Variants in PXDN observed in about 807,000 individuals in gnomAD.
The protein encoded by PXDN is peroxidasin.
In PXDN, 77 loss-of-function variants were observed where a neutral mutation model predicts 140.3. The ratio of observed to expected loss-of-function variants is 0.55; its 90% confidence interval spans 0.46 to 0.66. PXDN has a LOEUF of 0.66. Among genes scored for constraint, PXDN ranks in the 30% least tolerant of loss-of-function variants. The pLI, the probability that PXDN is intolerant of heterozygous loss-of-function variation, is 0.00. For missense variants in PXDN, 1,838 were observed against 2,039.5 expected (o/e 0.90, Z 1.90); for synonymous variants, 911 against 857.4 (o/e 1.06, Z -1.09).
chr2:1,644,482 C>T, intron 18 of PXDN, 136 bp downstream of exon 18: 1 of 1,062,034 alleles, frequency 9.4e-7, no homozygotes, highest in Non-Finnish European at 1.2e-6. Context: ...GTGCCTTCCT[C>T]ATTCTCAACC....
At chr2:1,705,113 G>A (rs1029266153) in intron 1 of PXDN, among the ~76,000 whole-genome samples, 3 of 104,344 alleles carry the variant, frequency 2.9e-5, no homozygotes, top group Non-Finnish European at 5.9e-5. Context: ...CGTGAGAGCC[G>A]TGAGAGCAGA....
chr2:1,649,347 G>C lies in PXDN; in HGVS notation c.2433C>G (p.Asp811Glu). ...GCATCAGCATGTGGGTGAACTGCTC[G>C]TCGGGTGTGACGGTCTCCGTCCCGA... ...TLIGTETVTP[D>E]EQFTHMLMQW... The change falls in exon 17 of 23, where the codon GAC becomes GAG. Residue 811 changes from aspartate to glutamate, a missense_variant. Transcript: ENST00000252804. This position sits in a 1 kb window ranked among gnomAD's most constrained non-coding sequence, Gnocchi z 7.1. 5 of 1,613,896 alleles carry C rather than the reference G, an allele frequency of 3.1e-6. No individual in the cohort carries two copies. The highest frequency in any genetic ancestry group is 3.4e-6 in the Non-Finnish European group (4 of 1,179,872).
chr2:1,654,048 A>G lies in PXDN; in HGVS notation c.1947-263T>C, dbSNP rs1683074000. 1.8e-5 allele frequency: 9 copies of G among 506,170 alleles called. No individual in the cohort carries two copies. In the South Asian group the frequency reaches 2.8e-4, roughly 16 times the overall value. 31.4% of individuals were successfully genotyped at this position (506,170 alleles called of 1,614,324 possible). On this transcript the variant is annotated intron_variant, in intron 15 of 22. Coordinates refer to ENST00000252804, the MANE Select transcript of PXDN (RefSeq NM_012293.3). ...ATATTGCATTTCACATAAGATGCAG[A>G]AAAACTGCTTTGGAATCAGCAACGT...
At chr2:1,710,014 C>A (rs975149696) in intron 1 of PXDN, among the ~76,000 whole-genome samples, 4 of 152,194 alleles carry the variant, frequency 2.6e-5, no homozygotes, top group African/African-American at 4.8e-5. Context: ...CACACTGTCT[C>A]CAAGCCCTTC....
Position 1,649,092 on chromosome 2 carries a change from G to A in PXDN, c.2688C>T (p.Ser896=), listed in dbSNP as rs747948602. ...GSGMTSLLMN[S]VYPREQINQL... Reference sequence around the variant, plus strand: ...GGTTGATCTGCTCCCGCGGGTACACGGAGTTCATGAGCAGCGAAGTCATGC... The same window carrying A: ...GGTTGATCTGCTCCCGCGGGTACACAGAGTTCATGAGCAGCGAAGTCATGC... Residue 896 remains serine (S), a synonymous_variant, in exon 17 of 23, where the codon TCC becomes TCT. Coordinates refer to ENST00000252804, the MANE Select transcript of PXDN (RefSeq NM_012293.3). The surrounding 1 kb of genome is among the most constrained non-coding windows in gnomAD (Gnocchi z 7.1). 7.4e-6 allele frequency: 12 copies of A among 1,612,630 alleles called. No individual in the cohort carries two copies. Among genetic ancestry groups the A allele is most frequent in the Middle Eastern group, 1.6e-4 (1 of 6,084 alleles).
At chr2:1,724,392 G>A (rs1459024836) in intron 1 of PXDN, among the ~76,000 whole-genome samples, 1 of 132,308 alleles carries the variant, frequency 7.6e-6, no homozygotes, top group African/African-American at 2.8e-5. Context: ...AGGTTCTTTT[G>A]ACAAAACATG....
At chr2:1,689,266 TTGTTACTATACTTCTAC>T (rs1419451818) in intron 3 of PXDN, among the ~76,000 whole-genome samples, 1 of 152,118 alleles carries the variant, frequency 6.6e-6, no homozygotes, top group African/African-American at 2.4e-5. Context: ...CACATGGGAG[TTGTTACTATACTTCTAC>T]AGAAGGCAAG....
At chr2:1,692,180 TGAA>T (rs1463028956) in intron 2 of PXDN, among the ~76,000 whole-genome samples, 181 bp from the exon 3 acceptor site, 3 of 152,246 alleles carry the variant, frequency 2.0e-5, no homozygotes, top group Non-Finnish European at 4.4e-5. Flanking sequence ...TTAACCATCA[TGAA>T]GAAAACGTTG....
intron 3 of PXDN, among the ~76,000 whole-genome samples, chr2:1,690,821 C>T (rs1684169393): frequency 6.6e-6 from 1 of 152,092 alleles, no homozygotes; most frequent in Non-Finnish European, 1.5e-5. Flanking sequence ...ACAAATATCG[C>T]ACAGAGGGAA....
intron 1 of PXDN, among the ~76,000 whole-genome samples, chr2:1,704,376 AACTCCAGGTGAAGGG>A (rs1684532181): frequency 1.5e-5 from 1 of 65,532 alleles, no homozygotes. Flanking sequence ...AAGGGGGGGC[AACTCCAGGTGAAGGG>A]GGGGGCAACT....
intron 1 of PXDN, among the ~76,000 whole-genome samples, chr2:1,709,343 C>A (rs917179685): frequency 6.6e-6 from 1 of 152,086 alleles, no homozygotes; most frequent in East Asian, 1.9e-4. Context: ...CCCCAGAGTG[C>A]GGGTGCTTGA....
rs1232147374 is a variant in PXDN at position 1,714,351 on chromosome 2, C to G, written c.201-21217G>C. ...CGATGGTCCGGCACCCTGGCCCACTCGCTCCCATGCCTTTGAGAGGAGATC... is the reference window on the plus strand; with the variant it reads ...CGATGGTCCGGCACCCTGGCCCACTGGCTCCCATGCCTTTGAGAGGAGATC... On this transcript the variant is annotated intron_variant, in intron 1 of 22. Coordinates refer to ENST00000252804, the MANE Select transcript of PXDN (RefSeq NM_012293.3). The surrounding 1 kb of genome is among the most constrained non-coding windows in gnomAD (Gnocchi z 4.3). Among the ~76,000 whole-genome samples, 1 of 152,186 alleles carries G rather than the reference C, an allele frequency of 6.6e-6. No homozygotes were observed. Among genetic ancestry groups the G allele is most frequent in the South Asian group, 2.1e-4 (1 of 4,832 alleles).
rs550611837 is a variant in PXDN at position 1,660,711 on chromosome 2, C to T, written c.1837+170G>A. On this transcript the variant is annotated intron_variant, in intron 14 of 22. Coordinates refer to ENST00000252804, the MANE Select transcript of PXDN (RefSeq NM_012293.3). This position sits in a 1 kb window ranked among gnomAD's most constrained non-coding sequence, Gnocchi z 4.6. ...TGCCTGTGTGGAGGGGAGGGGCTGTCGAGCAGCCCGGCCATGCATCAGGAG... is the reference window on the plus strand; with the variant it reads ...TGCCTGTGTGGAGGGGAGGGGCTGTTGAGCAGCCCGGCCATGCATCAGGAG... Among the ~76,000 whole-genome samples, 2 of 152,224 alleles carry T rather than the reference C, an allele frequency of 1.3e-5. No homozygotes were observed. The highest frequency in any genetic ancestry group is 1.5e-5 in the Non-Finnish European group (1 of 68,014).
chr2:1,703,461 A>G (rs1337734490), intron 1 of PXDN, among the ~76,000 whole-genome samples: 4 of 16,498 alleles, frequency 2.4e-4, no homozygotes, highest in East Asian at 1.1e-3. Flanking sequence ...CCGGTGAAGG[A>G]GAGACAACTC....
chr2:1,678,354 G>A (rs576299223), intron 7 of PXDN, among the ~76,000 whole-genome samples: 3 of 152,262 alleles, frequency 2.0e-5, no homozygotes, highest in Admixed American at 6.5e-5. Context: ...AGCTTTCGCT[G>A]CTTTCTTCAT....
intron 12 of PXDN, among the ~76,000 whole-genome samples, 196 bp from the exon 13 acceptor site, chr2:1,662,380 T>C (rs1190129127): frequency 6.6e-6 from 1 of 152,088 alleles, no homozygotes; most frequent in Non-Finnish European, 1.5e-5. Flanking sequence ...CCAGGGAAGA[T>C]CCGCCCGCCT....
chr2:1,734,283 A>G (rs939579860), intron 1 of PXDN, among the ~76,000 whole-genome samples: 1 of 152,230 alleles, frequency 6.6e-6, no homozygotes, highest in African/African-American at 2.4e-5. Flanking sequence ...CATTACATCT[A>G]AAAAATATAC....
In PXDN at chr2:1,687,195, T is replaced by C. The variant is rs1684080281; in HGVS notation, c.416+437A>G. Among the ~76,000 whole-genome samples, 4 of 152,236 alleles carry C rather than the reference T, an allele frequency of 2.6e-5. No individual in the cohort carries two copies. The highest frequency in any genetic ancestry group is 9.6e-5 in the African/African-American group (4 of 41,462). ...CCACAATTGAAGAAATTCAGCTTCA[T>C]GTGTTCACAGTCATAAGGAGGAACA... On this transcript the variant is annotated intron_variant, in intron 4 of 22. Coordinates refer to ENST00000252804, the MANE Select transcript of PXDN (RefSeq NM_012293.3). This position sits in a 1 kb window ranked among gnomAD's most constrained non-coding sequence, Gnocchi z 4.0.
chr2:1,695,150 A>C (rs1684272367), intron 1 of PXDN, among the ~76,000 whole-genome samples: 1 of 152,244 alleles, frequency 6.6e-6, no homozygotes, highest in Non-Finnish European at 1.5e-5. Context: ...GAAGCTGGAA[A>C]GCAAGATGTG....
Sources: gnomAD v4.1 joint callset for allele counts (sites outside exome capture counted in the v4.1 genomes callset) on GRCh38, gnomAD v4.1.1 for gene constraint, Gnocchi (gnomAD v3.1) non-coding constraint, MANE v1.5 for transcripts, NCBI Gene and HGNC (gene_info 2026-07-23, HGNC 2026-07-21) for gene names.